The following MYOM3 variants were observed in gnomAD, a reference collection of about 807,000 sequenced individuals.
MYOM3 encodes the protein myomesin-3.
In MYOM3, 155 loss-of-function variants were observed where a neutral mutation model predicts 191.7. The ratio of observed to expected loss-of-function variants is 0.81; its 90% CI spans 0.71 to 0.92. The LOEUF is 0.92. MYOM3 is among the 40% of genes least tolerant of loss of function. The probability of loss-of-function intolerance (pLI) is 0.00; values close to 1 mark genes in which losing one functional copy is unlikely to be tolerated. For missense variants in MYOM3, 1,889 were observed against 1,890.6 expected (o/e 1.00, Z 0.02); for synonymous variants, 757 against 762.9 (o/e 0.99, Z 0.13).
At chr1:24,108,324 G>A in intron 2 of MYOM3, 152 bp downstream of exon 2, 6 of 890,676 alleles carry the variant, frequency 6.7e-6, no homozygotes, top group Non-Finnish European at 9.8e-6. Context: ...AGAGCCAATT[G>A]TGTCTCCCCC....
chr1:24,074,358 C>G lies in MYOM3; in HGVS notation c.2859-89G>C, dbSNP rs953250795. On this transcript the variant is annotated intron_variant, in intron 22 of 36. Coordinates refer to ENST00000374434, the MANE Select transcript of MYOM3 (RefSeq NM_152372.4). Reference sequence around the variant, plus strand: ...GGGAGCCAGGGAGTCCAGGTTGCTTCTGGTGAGCCTGTACCCCAAGCAGAC... The same window carrying G: ...GGGAGCCAGGGAGTCCAGGTTGCTTGTGGTGAGCCTGTACCCCAAGCAGAC... 6.5e-6 allele frequency: 6 copies of G among 925,510 alleles called. No individual in the cohort carries two copies. The Admixed American group carries it at 1.2e-4, about 18-fold the overall frequency. 57.3% of individuals were successfully genotyped at this position (925,510 alleles called of 1,614,324 possible).
chr1:24,094,930 T>C lies in MYOM3; in HGVS notation c.851A>G (p.Glu284Gly), dbSNP rs1643870328. 6.2e-7 allele frequency: 1 copy of C among 1,613,956 alleles called. No homozygotes were observed. Among genetic ancestry groups the C allele is most frequent in the African/African-American group, 1.3e-5 (1 of 74,904 alleles). ...TSVLKPVFAR[E>G]KEPFSLSCLF... The stretch of plus-strand genomic sequence containing the variant: ...GCATGACAGGGAGAAGGGTTCCTTC[T>C]CACGAGCAAAGACTGGCTTCAGCAC... The change falls in exon 9 of 37, where the codon GAG (glutamate) becomes GGG (glycine). Residue 284 changes from glutamate (E) to glycine (G), a missense_variant. Coordinates refer to ENST00000374434, the MANE Select transcript of MYOM3 (RefSeq NM_152372.4).
intron 33 of MYOM3, 23 bp from the exon 34 acceptor site, chr1:24,061,332 T>G (rs7553075): frequency 6.2e-7 from 1 of 1,612,628 alleles, no homozygotes; most frequent in South Asian, 1.1e-5. Flanking sequence ...CAGAGGAGAA[T>G]GGGGGCCATC....
chr1:24,081,586 A>C, intron 18 of MYOM3, 130 bp from the exon 19 acceptor site: 13 of 1,085,142 alleles, frequency 1.2e-5, no homozygotes, highest in Non-Finnish European at 1.6e-5. Flanking sequence ...TTTTTGAGAC[A>C]TGGTCTCACT....
At chr1:24,098,206 A>G (rs938999791) in intron 6 of MYOM3, among the ~76,000 whole-genome samples, 195 bp from the exon 7 acceptor site, 1 of 152,184 alleles carries the variant, frequency 6.6e-6, no homozygotes, top group Non-Finnish European at 1.5e-5. Context: ...GTGTCCTCTG[A>G]AAAACTGGGG....
Position 24,081,998 on chromosome 1 carries a change from T to C in MYOM3, c.2280+3A>G, listed in dbSNP as rs753698105. The C allele has an allele frequency of 6.2e-6, 10 of 1,607,100 alleles. No individual in the cohort carries two copies. The highest frequency in any genetic ancestry group is 8.5e-6 in the Non-Finnish European group (10 of 1,177,300). On this transcript the variant is annotated splice_donor_region_variant and intron_variant, in intron 18 of 36. Transcript: ENST00000374434. The stretch of plus-strand genomic sequence containing the variant: ...ACAGGCTGGGGCCACCTTCCAGCCC[T>C]ACCTTGCAGACCCGGGTGGGGATGG...
chr1:24,108,002 T>G lies in MYOM3; in HGVS notation c.233A>C (p.Glu78Ala). ...AGCTTCTCTGACTCACCAAGACAGC[T>G]CGGAGGAGGCCGTCAGAGCCAGGGC... ...AAALALTASS[E>A]LSWEAQLRRQ... The change falls in exon 3 of 37, where the codon GAG (glutamate) becomes GCG (alanine). Residue 78 changes from glutamate (E) to alanine (A), a missense_variant. Coordinates refer to ENST00000374434, the MANE Select transcript of MYOM3 (RefSeq NM_152372.4). 1 of 1,613,408 alleles carries G rather than the reference T, an allele frequency of 6.2e-7. No individual in the cohort carries two copies. The highest frequency in any genetic ancestry group is 1.1e-5 in the South Asian group (1 of 91,046).
Position 24,099,648 on chromosome 1 carries a change from G to T in MYOM3, c.656+32C>A, listed in dbSNP as rs549685301. 8.4e-6 allele frequency: 13 copies of T among 1,551,622 alleles called. No individual in the cohort carries two copies. In the African/African-American group the frequency reaches 1.1e-4, roughly 13 times the overall value. ...TGGCCTCGGCGGTGGCAGGGTCTGG[G>T]GTCATAGGTCTCTCCAGGTCTCCAG... On this transcript the variant is annotated intron_variant, in intron 6 of 36. Coordinates refer to ENST00000374434, the MANE Select transcript of MYOM3 (RefSeq NM_152372.4).
Position 24,092,198 on chromosome 1 carries a change from G to C in MYOM3, c.1208C>G (p.Pro403Arg), listed in dbSNP as rs1397837520. 4.1e-6 allele frequency: 6 copies of C among 1,459,996 alleles called. No homozygotes were observed. In the East Asian group the frequency reaches 1.6e-4, roughly 39 times the overall value. 90.4% of individuals were successfully genotyped at this position (1,459,996 alleles called of 1,614,324 possible). The change falls in exon 11 of 37, where the codon CCC becomes CGC. Residue 403 changes from proline (P) to arginine (R), a missense_variant. Pro to Arg is a moderately radical substitution (Grantham distance 103, BLOSUM62 -2). Transcript: ENST00000374434. Reference sequence around the variant, plus strand: ...CCGCTCAATGGTGTAGGCAGTGATGGGGTTGCCCCGGGTGTCACTGGGCGG... The same window carrying C: ...CCGCTCAATGGTGTAGGCAGTGATGCGGTTGCCCCGGGTGTCACTGGGCGG... ...WAPPSDTRGN[P>R]ITAYTIERCQ...
chr1:24,089,968 A>G (rs992528138), intron 13 of MYOM3, 97 bp downstream of exon 13: 10 of 1,273,534 alleles, frequency 7.9e-6, no homozygotes, highest in Non-Finnish European at 9.0e-6. Flanking sequence ...CATCCCCCAC[A>G]CCCTGCACTG....
intron 27 of MYOM3, among the ~76,000 whole-genome samples, chr1:24,067,293 TTTCTTTCTTTCC>T (rs1557602256): frequency 5.3e-5 from 7 of 132,934 alleles, no homozygotes; most frequent in Non-Finnish European, 1.1e-4. Context: ...CCTTTCTTTC[TTTCTTTCTTTCC>T]TTCTTTCTTT....
intron 29 of MYOM3, among the ~76,000 whole-genome samples, chr1:24,065,567 C>T (rs866937965): frequency 2.6e-5 from 4 of 152,122 alleles, no homozygotes; most frequent in African/African-American, 9.7e-5. Flanking sequence ...CAGAGAGCGA[C>T]GGGGGCTAGC....
intron 12 of MYOM3, 27 bp from the exon 13 acceptor site, chr1:24,090,145 G>T: frequency 6.3e-7 from 1 of 1,587,386 alleles, no homozygotes; most frequent in African/African-American, 1.3e-5. Context: ...GCATGGGAGG[G>T]TGGGGGGTGG....
At position 24,086,722 on chromosome 1, in the gene MYOM3, T is replaced by A; in HGVS notation, c.1720A>T (p.Arg574Ter). Residue 574 changes from arginine to a stop codon, truncating the protein, a stop_gained, in exon 15 of 37, where the codon AGA becomes TGA. Transcript: ENST00000374434. LOFTEE classifies it high-confidence loss of function. ...DLEKKKSYVF[R>*]VRAMNQYGLS... ...CCATACTGGTTCATTGCTCGCACTC[T>A]GAAGACATACGACTTCTTTTTCTCC... The A allele has an allele frequency of 6.2e-7, 1 of 1,614,174 alleles. No homozygotes were observed. Among genetic ancestry groups the A allele is most frequent in the Non-Finnish European group, 8.5e-7 (1 of 1,180,008 alleles).
chr1:24,063,334 T>C lies in MYOM3; in HGVS notation c.3662-100A>G. The C allele has an allele frequency of 7.3e-7, 1 of 1,361,944 alleles. No individual in the cohort carries two copies. The highest frequency in any genetic ancestry group is 1.0e-6 in the Non-Finnish European group (1 of 954,090). The allele number at this position is 1,361,944 out of a possible 1,614,324, so 84.4% of individuals were successfully genotyped here. The stretch of plus-strand genomic sequence containing the variant: ...CCTCTGCCCTGGGGGGCAGGTGCTG[T>C]GGGGGAAATGCAGTGCTGTGAAGAG... On this transcript the variant is annotated intron_variant, in intron 31 of 36. Coordinates refer to ENST00000374434, the MANE Select transcript of MYOM3 (RefSeq NM_152372.4). This position sits in a 1 kb window ranked among gnomAD's most constrained non-coding sequence, Gnocchi z 4.5.
chr1:24,066,874 C>T, intron 28 of MYOM3, 147 bp downstream of exon 28: 2 of 719,144 alleles, frequency 2.8e-6, no homozygotes, highest in Admixed American at 2.8e-5. Flanking sequence ...CGTGTGGTCT[C>T]CTCGGGGGTA....
rs1223107416 is a variant in MYOM3 at position 24,107,159 on chromosome 1, T to C, written c.316A>G (p.Asn106Asp). The C allele has an allele frequency of 2.5e-6, 4 of 1,612,234 alleles. No homozygotes were observed. Among genetic ancestry groups the C allele is most frequent in the African/African-American group, 2.7e-5 (2 of 74,930 alleles). ...GCGATCTCAGTCCTCTCCCAGTCAT[T>C]GCCGAAGCCCACCCGCTTCTGCCCT... Reference protein sequence around the residue: ...ERGQKRVGFGNDWERTEIAFL... With the variant: ...ERGQKRVGFGDDWERTEIAFL... The change falls in exon 4 of 37, where the codon AAT (asparagine) becomes GAT (aspartate). Residue 106 changes from asparagine (N) to aspartate (D), a missense_variant. Asn to Asp is a conservative substitution (Grantham distance 23, BLOSUM62 1). Coordinates refer to ENST00000374434, the MANE Select transcript of MYOM3 (RefSeq NM_152372.4).
At chr1:24,081,201 G>A in intron 19 of MYOM3, 129 bp downstream of exon 19, 1 of 1,223,292 alleles carries the variant, frequency 8.2e-7, no homozygotes, top group Non-Finnish European at 1.1e-6. Flanking sequence ...CAAGGGCCAG[G>A]GGCCTGGGGT....
Position 24,062,095 on chromosome 1 carries a change from T to A in MYOM3, c.3785A>T (p.Glu1262Val), listed in dbSNP as rs2148541252. Reference sequence around the variant, plus strand: ...GCCCGTCCTTATCCGATCACCACTCTCCAGACGTTTGTCTCTGAATGTGAG... The same window carrying A: ...GCCCGTCCTTATCCGATCACCACTCACCAGACGTTTGTCTCTGAATGTGAG... ...TTWFHKDKRLESGDRIRTGTT... is the reference protein window; with the variant it reads ...TTWFHKDKRLVSGDRIRTGTT... The change falls in exon 33 of 37, where the codon GAG becomes GTG. Residue 1262 changes from glutamate (E) to valine (V), a missense_variant. Transcript: ENST00000374434. The A allele has an allele frequency of 6.2e-7, 1 of 1,614,118 alleles. No individual in the cohort carries two copies. The highest frequency in any genetic ancestry group is 2.2e-5 in the East Asian group (1 of 44,886).
Sources: gnomAD v4.1 joint callset for allele counts (sites outside exome capture counted in the v4.1 genomes callset) on GRCh38, gnomAD v4.1.1 for gene constraint, Gnocchi (gnomAD v3.1) non-coding constraint, MANE v1.5 for transcripts, NCBI Gene and HGNC (gene_info 2026-07-23, HGNC 2026-07-21) for gene names.